Variants in HOMER2 observed in about 807,000 individuals in gnomAD.
HOMER2 encodes the protein homer protein homolog 2.
A neutral mutation model predicts 47.0 loss-of-function variants in HOMER2; 27 were observed. That is an observed-to-expected ratio of 0.57 (90% CI 0.42 to 0.79). The LOEUF (loss-of-function observed/expected upper bound fraction) is 0.79, where lower values mean the gene tolerates loss of function less well. Among genes scored for constraint, HOMER2 ranks in the 30% least tolerant of loss-of-function variants. HOMER2 has a pLI of 0.00. For missense variants in HOMER2, 443 were observed against 435.0 expected, an observed-to-expected ratio of 1.02 and a Z score of -0.16; for synonymous variants, 161 against 163.8, an observed-to-expected ratio of 0.98 and a Z score of 0.13.
Position 82,868,539 on chromosome 15 carries a change from A to T in HOMER2, c.295-4280T>A, listed in dbSNP as rs374318991. Among the ~76,000 whole-genome samples the T allele has an allele frequency of 9.6e-5, 6 of 62,412 alleles. 1 individual carries two copies. Among genetic ancestry groups the T allele is most frequent in the Non-Finnish European group, 2.0e-4 (6 of 29,434 alleles). 40.9% of individuals were successfully genotyped at this position (62,412 alleles called of 152,430 possible). A position where few individuals can be genotyped will look rare whatever the true frequency, so the allele number is the denominator to read the frequency against. ...TTATTTATTTTATATATATATATATATATTTTTTTTTTTTTTTTTCCCCTT... is the reference window on the plus strand; with the variant it reads ...TTATTTATTTTATATATATATATATTTATTTTTTTTTTTTTTTTTCCCCTT... On this transcript the variant is annotated intron_variant, in intron 3 of 8. Transcript: ENST00000450735.
chr15:82,899,904 C>G (rs2053054558), intron 1 of HOMER2, among the ~76,000 whole-genome samples: 1 of 152,154 alleles, frequency 6.6e-6, no homozygotes, highest in Non-Finnish European at 1.5e-5. Flanking sequence ...CACCTGTAAT[C>G]CCAGCTACTT....
exon 2 of HOMER2, chr15:82,843,442 C>CAAAAAAAAAAAAAAA (rs56335970): frequency 9.8e-5 from 2 of 20,512 alleles, no homozygotes; most frequent in Non-Finnish European, 1.5e-4. Flanking sequence ...GACCCCGTCT[C>CAAAAAAAAAAAAAAA]AAAAAAAAAA....
intron 1 of HOMER2, among the ~76,000 whole-genome samples, chr15:82,897,069 T>TTTTTC (rs2052952425): frequency 7.8e-6 from 1 of 128,764 alleles, no homozygotes; most frequent in Non-Finnish European, 1.5e-5. Flanking sequence ...TCATTTCTTT[T>TTTTTC]TTTTTTTTTT....
chr15:82,877,466 G>A (rs1004189196), intron 2 of HOMER2, among the ~76,000 whole-genome samples: 9 of 152,086 alleles, frequency 5.9e-5, no homozygotes, highest in Non-Finnish European at 7.4e-5. Context: ...ACCGCACCTG[G>A]CTGAGATTTG....
At chr15:82,879,297 A>G (rs2052449524) in intron 2 of HOMER2, among the ~76,000 whole-genome samples, 1 of 152,194 alleles carries the variant, frequency 6.6e-6, no homozygotes, top group African/African-American at 2.4e-5. Context: ...AGAGTTCGAG[A>G]CCAGCCTGGA....
At chr15:82,927,706 C>CA (rs1286154791) in intron 1 of HOMER2, among the ~76,000 whole-genome samples, 75 of 152,048 alleles carry the variant, frequency 4.9e-4, no homozygotes, top group African/African-American at 1.8e-3. Flanking sequence ...CGCAGTGGCT[C>CA]ACGCCTGTAA....
chr15:82,838,469 A>T (rs1167203779), exon 2 of HOMER2: 5 of 152,264 alleles, frequency 3.3e-5, no homozygotes, highest in Non-Finnish European at 7.3e-5. Context: ...CATTGGGCTT[A>T]TCTAGCAGTC....
chr15:82,903,045 T>C (rs1479468219), intron 1 of HOMER2, among the ~76,000 whole-genome samples: 2 of 152,152 alleles, frequency 1.3e-5, no homozygotes, highest in African/African-American at 4.8e-5. Context: ...GTAAAATAAA[T>C]TTAGAAAATG....
intron 3 of HOMER2, among the ~76,000 whole-genome samples, chr15:82,872,886 A>G (rs1346017534): frequency 6.6e-6 from 1 of 152,266 alleles, no homozygotes; most frequent in Admixed American, 6.5e-5. Context: ...GGTTTGAGCA[A>G]CAGCAACATC....
exon 2 of HOMER2, chr15:82,839,016 G>A (rs34541883): frequency 0.46 from 70,254 of 151,836 alleles, 16,789 homozygotes; most frequent in Non-Finnish European, 0.51. Context: ...TTCTGGCATT[G>A]TGGAAGGCCA....
intron 1 of HOMER2, among the ~76,000 whole-genome samples, chr15:82,952,256 G>A (rs539165879): frequency 3.2e-4 from 49 of 152,372 alleles, no homozygotes; most frequent in African/African-American, 1.2e-3. Context: ...CAGGGCACCG[G>A]TCCCCGTCAG....
At chr15:82,875,695 C>T (rs1420399634) in intron 2 of HOMER2, among the ~76,000 whole-genome samples, 1 of 152,156 alleles carries the variant, frequency 6.6e-6, no homozygotes, top group Non-Finnish European at 1.5e-5. Context: ...AGAATAGTTT[C>T]CCAAACTGCT....
intron 1 of HOMER2, among the ~76,000 whole-genome samples, chr15:82,912,632 AT>A (rs2053482101): frequency 6.6e-6 from 1 of 152,192 alleles, no homozygotes; most frequent in African/African-American, 2.4e-5. Context: ...AAGTCATAGG[AT>A]AACTCTATGT....
chr15:82,931,784 G>A (rs2054017715), intron 1 of HOMER2, among the ~76,000 whole-genome samples: 2 of 152,172 alleles, frequency 1.3e-5, no homozygotes, highest in Admixed American at 1.3e-4. Flanking sequence ...GTTGCCATGA[G>A]CCGAGATCGC....
exon 2 of HOMER2, chr15:82,841,439 C>T (rs1486471914): frequency 6.6e-6 from 1 of 152,060 alleles, no homozygotes; most frequent in Non-Finnish European, 1.5e-5. Context: ...AAATAGAGGG[C>T]ATAACCTGAA....
Position 82,914,178 on chromosome 15 carries a change from TACACACACACACACAC to T in HOMER2, c.6-21353_6-21338del, listed in dbSNP as rs58323062. Among the ~76,000 whole-genome samples, 294 of 116,808 alleles carry T rather than the reference TACACACACACACACAC, an allele frequency of 2.5e-3. 2 individuals are homozygous for T. The highest frequency in any genetic ancestry group is 9.0e-3 in the African/African-American group (264 of 29,192). 76.6% of individuals were successfully genotyped at this position (116,808 alleles called of 152,430 possible). A position where few individuals can be genotyped will look rare whatever the true frequency, so the allele number is the denominator to read the frequency against. On this transcript the variant is annotated intron_variant, in intron 1 of 8. Transcript: ENST00000450735. ...GGTGAAACCCCATCTCTACTAAAAA[TACACACACACACACAC>T]ACACACACACACACACACACACACA...
intron 1 of HOMER2, among the ~76,000 whole-genome samples, chr15:82,920,210 C>T (rs1490696104): frequency 6.6e-6 from 1 of 152,182 alleles, no homozygotes; most frequent in African/African-American, 2.4e-5. Context: ...ATAGTCTTCG[C>T]CATTGTTTTG....
chr15:82,965,366 G>C (rs1013484587), intron 1 of HOMER2, among the ~76,000 whole-genome samples: 2 of 152,174 alleles, frequency 1.3e-5, no homozygotes, highest in African/African-American at 2.4e-5. Flanking sequence ...ACCTTAGGTA[G>C]TTTTCCAGAG....
At chr15:82,984,625 C>T (rs979939359) in intron 1 of HOMER2, among the ~76,000 whole-genome samples, 1 of 152,078 alleles carries the variant, frequency 6.6e-6, no homozygotes, top group Non-Finnish European at 1.5e-5. Context: ...CGAGACCAGA[C>T]TGGGCAATAC....
Sources: allele counts gnomAD v4.1 joint callset (sites outside exome capture counted in the v4.1 genomes callset), GRCh38; gene constraint gnomAD v4.1.1; transcripts MANE v1.5; gene names NCBI Gene and HGNC (gene_info 2026-07-23, HGNC 2026-07-21).